SLC23A2: variants seen among roughly 807,000 people sequenced by gnomAD.
The protein encoded by SLC23A2 is Na(+)/L-ascorbic acid transporter 2.
SLC23A2 carries 36 observed loss-of-function variants against 73.3 expected under a neutral mutation model. The observed-to-expected ratio is 0.49, with a 90% CI of 0.38 to 0.65. SLC23A2 has a LOEUF of 0.65. Among genes scored for constraint, SLC23A2 ranks in the 30% least tolerant of loss-of-function variants. SLC23A2 has a pLI of 0.00. For synonymous variants in SLC23A2, 343 were observed against 327.3 expected, an observed-to-expected ratio of 1.05 and a Z score of -0.52; for missense variants, 507 against 841.6, an observed-to-expected ratio of 0.60 and a Z score of 4.92.
chr20:4,967,158 T>C (rs2087488221), intron 2 of SLC23A2, among the ~76,000 whole-genome samples: 2 of 152,128 alleles, frequency 1.3e-5, no homozygotes, highest in Non-Finnish European at 2.9e-5. Flanking sequence ...AAGGTAAACA[T>C]TACTCAAATC....
chr20:4,996,960 G>A (rs2088033398), intron 1 of SLC23A2, among the ~76,000 whole-genome samples: 1 of 152,096 alleles, frequency 6.6e-6, no homozygotes, highest in Non-Finnish European at 1.5e-5. Flanking sequence ...TGGGTATGCT[G>A]GGTTGGCATC....
chr20:4,911,072 A>G (rs78873101), intron 4 of SLC23A2, among the ~76,000 whole-genome samples: 1,857 of 152,316 alleles, frequency 0.012, 19 homozygotes, highest in Middle Eastern at 0.037. Flanking sequence ...GCCTGGAATC[A>G]TGGCATAGAG....
chr20:4,949,666 C>T (rs1344178393), intron 2 of SLC23A2, among the ~76,000 whole-genome samples: 1 of 152,092 alleles, frequency 6.6e-6, no homozygotes, highest in African/African-American at 2.4e-5. Flanking sequence ...GGCGCGCACA[C>T]ACACAGAAAC....
At chr20:4,930,781 T>G (rs1323882619) in intron 3 of SLC23A2, among the ~76,000 whole-genome samples, 2 of 151,948 alleles carry the variant, frequency 1.3e-5, no homozygotes, top group East Asian at 3.9e-4. Flanking sequence ...ATGGTGCCAC[T>G]GCACTCCAGC....
intron 6 of SLC23A2, among the ~76,000 whole-genome samples, chr20:4,897,359 T>C (rs1568614023): frequency 1.3e-5 from 2 of 152,156 alleles, no homozygotes; most frequent in African/African-American, 4.8e-5. Flanking sequence ...ATGGCCACAC[T>C]GTGGGGAGGA....
intron 2 of SLC23A2, among the ~76,000 whole-genome samples, chr20:4,959,020 G>A (rs2087336678): frequency 6.6e-6 from 1 of 150,518 alleles, no homozygotes; most frequent in African/African-American, 2.4e-5. Context: ...AGATCAGCCT[G>A]ACCAACACAG....
intron 2 of SLC23A2, among the ~76,000 whole-genome samples, chr20:4,945,448 G>A (rs2087105994): frequency 6.6e-6 from 1 of 152,108 alleles, no homozygotes; most frequent in Admixed American, 6.6e-5. Flanking sequence ...ACTATGCCCA[G>A]CAAATGTTTG....
At chr20:4,957,862 C>T (rs151078427) in intron 2 of SLC23A2, among the ~76,000 whole-genome samples, 3,775 of 149,560 alleles carry the variant, frequency 0.025, 160 homozygotes, top group African/African-American at 0.089. Flanking sequence ...GATCGTCCCA[C>T]TGCACTCCAG....
chr20:4,982,160 A>G (rs2087737470), intron 1 of SLC23A2, among the ~76,000 whole-genome samples: 1 of 150,404 alleles, frequency 6.6e-6, no homozygotes, highest in East Asian at 1.9e-4. Context: ...ACGCCCAGCT[A>G]ATTTTTGTAT....
intron 2 of SLC23A2, among the ~76,000 whole-genome samples, chr20:4,946,375 A>T (rs182935853): frequency 1.4e-4 from 21 of 152,312 alleles, no homozygotes; most frequent in African/African-American, 4.8e-4. Context: ...GAAATAATCT[A>T]AAAATGGGTT....
In SLC23A2 at chr20:4,874,087, G is replaced by A; in HGVS notation, c.951C>T (p.Ile317=). ...KLQLFKMFPI[I]LAILVSWLLC... ...GCAGCCAGGATACCAGGATGGCCAG[G>A]ATGATCTGGAGTGGTCAAGGGGAAG... Residue 317 remains isoleucine, a synonymous_variant, in exon 11 of 17, where the codon ATC becomes ATT. Transcript: ENST00000338244. 6.2e-7 allele frequency: 1 copy of A among 1,613,278 alleles called. No homozygotes were observed. The highest frequency in any genetic ancestry group is 8.5e-7 in the Non-Finnish European group (1 of 1,179,544).
chr20:4,867,165 GC>G (rs1242359308), intron 13 of SLC23A2, among the ~76,000 whole-genome samples: 2 of 150,184 alleles, frequency 1.3e-5, no homozygotes, highest in Admixed American at 1.3e-4. Flanking sequence ...TGTGTAACCT[GC>G]TCCCCAGTTA....
chr20:4,949,014 G>A (rs1214252583), intron 2 of SLC23A2, among the ~76,000 whole-genome samples: 1 of 152,044 alleles, frequency 6.6e-6, no homozygotes, highest in African/African-American at 2.4e-5. Flanking sequence ...GGCTGGGCAC[G>A]GTGGCTCACA....
At position 4,932,671 on chromosome 20, in the gene SLC23A2, C is replaced by T. The variant is rs529437037; in HGVS notation, c.-109G>A. On this transcript the variant is annotated 5_prime_UTR_variant, in exon 3 of 17. Transcript: ENST00000338244. ...CGGCTCTTCTAGTGCCTGGAGCCCC[C>T]GATTCTCAAGCAGAGATGAGGCCTG... 1.6e-4 allele frequency: 109 copies of T among 688,602 alleles called. No individual in the cohort carries two copies. The highest frequency in any genetic ancestry group is 1.5e-3 in the South Asian group (91 of 61,190). The allele number at this position is 688,602 out of a possible 1,614,324, so 42.7% of individuals were successfully genotyped here. A position where few individuals can be genotyped will look rare whatever the true frequency, so the allele number is the denominator to read the frequency against.
intron 4 of SLC23A2, among the ~76,000 whole-genome samples, chr20:4,911,800 C>T (rs188247893): frequency 1.3e-5 from 2 of 152,084 alleles, no homozygotes; most frequent in East Asian, 3.9e-4. Flanking sequence ...AAAAAGAAAT[C>T]GGGATATCTG....
chr20:4,923,254 C>G (rs1347263116), intron 3 of SLC23A2, among the ~76,000 whole-genome samples: 2 of 49,522 alleles, frequency 4.0e-5, no homozygotes, highest in Non-Finnish European at 7.4e-5. Flanking sequence ...GGGAGGGAGG[C>G]AGGGAGGGAG....
intron 5 of SLC23A2, among the ~76,000 whole-genome samples, chr20:4,901,662 C>T (rs1931750677): frequency 6.6e-6 from 1 of 152,152 alleles, no homozygotes; most frequent in Admixed American, 6.5e-5. Flanking sequence ...GCAGACAAAG[C>T]TGCTGCTACC....
intron 9 of SLC23A2, among the ~76,000 whole-genome samples, chr20:4,877,796 AG>A (rs924126054): frequency 6.6e-6 from 1 of 152,224 alleles, no homozygotes; most frequent in Non-Finnish European, 1.5e-5. Context: ...ATTTTCCATA[AG>A]AAAAGTCAAT....
chr20:4,891,424 C>T (rs770334370), intron 6 of SLC23A2, among the ~76,000 whole-genome samples: 7 of 152,106 alleles, frequency 4.6e-5, no homozygotes, highest in Non-Finnish European at 7.4e-5. Flanking sequence ...CGAGTAGACC[C>T]GCCTTAGAGA....
Sources: gnomAD v4.1 joint callset for allele counts (sites outside exome capture counted in the v4.1 genomes callset) on GRCh38, gnomAD v4.1.1 for gene constraint, MANE v1.5 for transcripts, NCBI Gene and HGNC (gene_info 2026-07-23, HGNC 2026-07-21) for gene names.